The following TRAPPC9 variants were observed in gnomAD, a reference collection of about 807,000 sequenced individuals.
TRAPPC9 encodes trafficking protein particle complex subunit 9.
In TRAPPC9, 83 loss-of-function variants were observed where a neutral mutation model predicts 124.0. The ratio of observed to expected loss-of-function variants is 0.67; its 90% CI spans 0.56 to 0.80. The LOEUF is 0.80. Among genes scored for constraint, TRAPPC9 ranks in the 30% least tolerant of loss-of-function variants. TRAPPC9 has a pLI of 0.00. For missense variants in TRAPPC9, 1,302 were observed against 1,508.3 expected, an observed-to-expected ratio of 0.86 and a Z score of 2.27; for synonymous variants, 638 against 617.5, an observed-to-expected ratio of 1.03 and a Z score of -0.49.
intron 17 of TRAPPC9, among the ~76,000 whole-genome samples, chr8:140,025,428 A>C (rs921417557): frequency 6.6e-6 from 1 of 152,238 alleles, no homozygotes; most frequent in Admixed American, 6.5e-5. Flanking sequence ...TGCGGCTGGC[A>C]AAGCTTAAAA....
At chr8:139,797,197 T>A (rs967566377) in intron 21 of TRAPPC9, among the ~76,000 whole-genome samples, 1 of 152,198 alleles carries the variant, frequency 6.6e-6, no homozygotes, top group Non-Finnish European at 1.5e-5. Flanking sequence ...ATCCGGTGTG[T>A]TGTCTTTTCA....
At chr8:139,758,800 C>T (rs1357841910) in intron 21 of TRAPPC9, among the ~76,000 whole-genome samples, 1 of 152,192 alleles carries the variant, frequency 6.6e-6, no homozygotes, top group African/African-American at 2.4e-5. Flanking sequence ...GGTTATGCTA[C>T]AAATCAGCCA....
At position 140,265,800 on chromosome 8, in the gene TRAPPC9, T is replaced by A. The variant is rs372849194; in HGVS notation, c.2278+9858A>T. On this transcript the variant is annotated intron_variant, in intron 15 of 22. Transcript: ENST00000438773. ...TTACTGCCGCTGTGAACTTGAGACA[T>A]GTAAGAAGCCATTAATATTAGCTCC... is the stretch of plus-strand genomic sequence containing the variant. Among the ~76,000 whole-genome samples, 25 of 152,350 alleles carry A rather than the reference T, an allele frequency of 1.6e-4. No homozygotes were observed. In the East Asian group the frequency reaches 3.7e-3, roughly 22 times the overall value.
chr8:140,302,551 T>C (rs1393892966), intron 10 of TRAPPC9: 1 of 152,236 alleles, frequency 6.6e-6, no homozygotes, highest in Non-Finnish European at 1.5e-5. Context: ...ATCTGGAAAC[T>C]GCTGACACCG....
chr8:140,270,518 A>C (rs1240201800), intron 15 of TRAPPC9, among the ~76,000 whole-genome samples: 1 of 152,180 alleles, frequency 6.6e-6, no homozygotes, highest in African/African-American at 2.4e-5. Flanking sequence ...TGCCTTGGAG[A>C]GACCATACCC....
chr8:140,049,058 A>G lies in TRAPPC9; in HGVS notation c.2557-24979T>C, dbSNP rs183499545. On this transcript the variant is annotated intron_variant, in intron 17 of 22. Coordinates refer to ENST00000438773, the MANE Select transcript of TRAPPC9 (RefSeq NM_001160372.4). The stretch of plus-strand genomic sequence containing the variant: ...AAACCCAAGGCACACAGCACACCAG[A>G]GGCCCACAGCAACATCTGATTCCCC... 3.0e-3 allele frequency among the ~76,000 whole-genome samples: 455 copies of G among 152,332 alleles called. 1 individual carries two copies. The highest frequency in any genetic ancestry group is 0.01 in the Middle Eastern group (3 of 294).
intron 15 of TRAPPC9, among the ~76,000 whole-genome samples, chr8:140,271,189 A>G (rs1293522214): frequency 6.6e-6 from 1 of 152,234 alleles, no homozygotes; most frequent in Non-Finnish European, 1.5e-5. Context: ...AGAGTACCAG[A>G]TGAAGGATTT....
At chr8:140,458,159 G>A, upstream of TRAPPC9, 4 of 1,489,010 alleles carry the variant, frequency 2.7e-6, no homozygotes, top group Non-Finnish European at 3.6e-6. Context: ...GGAGGGAGAT[G>A]GAGGGAGATG....
At position 140,363,601 on chromosome 8, in the gene TRAPPC9, CT is replaced by C. The variant is rs543442679; in HGVS notation, c.1352-3409del. On this transcript the variant is annotated intron_variant, in intron 8 of 22. Transcript: ENST00000438773. ...AAATGTCTCCTCCTGACACAAACGT[CT>C]TTTTTTTTTTTTGAAACGGAGTTTC... 6.7e-3 allele frequency among the ~76,000 whole-genome samples: 970 copies of C among 145,206 alleles called. 5 individuals carry two copies. The highest frequency in any genetic ancestry group is 0.01 in the Admixed American group (146 of 14,522).
chr8:139,804,024 CACT>C (rs903031685), intron 21 of TRAPPC9, among the ~76,000 whole-genome samples: 40 of 152,078 alleles, frequency 2.6e-4, no homozygotes, highest in East Asian at 1.5e-3. Context: ...GCACCACCAC[CACT>C]ATCCATCGCC....
intron 21 of TRAPPC9, among the ~76,000 whole-genome samples, chr8:139,735,523 G>A (rs570879785): frequency 3.0e-4 from 45 of 152,300 alleles, no homozygotes; most frequent in Admixed American, 1.0e-3. Context: ...AACCAGGCGC[G>A]GTCTGAGCCT....
At chr8:140,168,029 A>G (rs940259941) in intron 17 of TRAPPC9, among the ~76,000 whole-genome samples, 2 of 152,222 alleles carry the variant, frequency 1.3e-5, no homozygotes, top group African/African-American at 2.4e-5. Flanking sequence ...TGTCAGATAC[A>G]TGGACGAGAC....
chr8:140,342,606 C>T (rs1349967929), intron 9 of TRAPPC9, among the ~76,000 whole-genome samples: 3 of 152,108 alleles, frequency 2.0e-5, no homozygotes, highest in African/African-American at 7.2e-5. Context: ...CTGACAAACT[C>T]CCACTGGGAT....
chr8:139,874,418 C>T (rs751121455), intron 21 of TRAPPC9, among the ~76,000 whole-genome samples: 7 of 152,186 alleles, frequency 4.6e-5, no homozygotes, highest in Admixed American at 6.5e-5. Context: ...AGACACAGCC[C>T]GCAGACAGTA....
chr8:140,067,063 T>C (rs542285846), intron 17 of TRAPPC9, among the ~76,000 whole-genome samples: 1 of 152,286 alleles, frequency 6.6e-6, no homozygotes, highest in Non-Finnish European at 1.5e-5. Context: ...ACATATCTGT[T>C]CAACAGAATG....
chr8:140,152,757 T>C (rs1385439828), intron 17 of TRAPPC9, among the ~76,000 whole-genome samples: 2 of 152,198 alleles, frequency 1.3e-5, no homozygotes, highest in Admixed American at 6.5e-5. Context: ...CTTTCAGTGA[T>C]GTTTTTATGG....
intron 17 of TRAPPC9, among the ~76,000 whole-genome samples, chr8:140,170,725 T>C (rs1462508084): frequency 6.6e-6 from 1 of 152,218 alleles, no homozygotes; most frequent in Non-Finnish European, 1.5e-5. Flanking sequence ...GGTTGTTTTA[T>C]AGCCCAACAT....
At chr8:140,372,679 C>T (rs1439736087) in intron 7 of TRAPPC9, among the ~76,000 whole-genome samples, 1 of 152,146 alleles carries the variant, frequency 6.6e-6, no homozygotes, top group Non-Finnish European at 1.5e-5. Flanking sequence ...GGAATTAGTG[C>T]CCTTATAAGA....
chr8:140,008,348 G>A (rs779434858), intron 18 of TRAPPC9: 5 of 141,720 alleles, frequency 3.5e-5, no homozygotes, highest in Non-Finnish European at 4.7e-5. Flanking sequence ...TCTCTTCTTC[G>A]GTCTTCCTTG....
Sources: allele counts gnomAD v4.1 joint callset (sites outside exome capture counted in the v4.1 genomes callset), GRCh38; gene constraint gnomAD v4.1.1; transcripts MANE v1.5; gene names NCBI Gene and HGNC (gene_info 2026-07-23, HGNC 2026-07-21).